The following THOC2 variants were observed in gnomAD, a reference collection of about 807,000 sequenced individuals.
THOC2 encodes the protein THO complex subunit 2.
THOC2 carries 10 observed loss-of-function variants against 128.4 expected under a neutral mutation model. The observed-to-expected ratio is 0.08, with a 90% confidence interval of 0.05 to 0.13. The LOEUF (loss-of-function observed/expected upper bound fraction) is 0.13, where lower values mean the gene tolerates loss of function less well. Among genes scored for constraint, THOC2 ranks in the 10% least tolerant of loss-of-function variants. The pLI is 1.00. For synonymous variants in THOC2, 393 were observed against 396.9 expected (o/e 0.99, Z 0.12); for missense variants, 535 against 1,155.7 (o/e 0.46, Z 7.79).
At chrX:123,643,180 C>A in intron 15 of THOC2, among the ~76,000 whole-genome samples, 1 of 111,033 alleles carries the variant, frequency 9.0e-6, no homozygotes, top group South Asian at 3.8e-4. Context: ...GGAAGAGAAG[C>A]TAAGGAGAGA....
At chrX:123,705,214 T>C (rs1255157499) in intron 3 of THOC2, among the ~76,000 whole-genome samples, 1 of 112,003 alleles carries the variant, frequency 8.9e-6, no homozygotes, top group East Asian at 2.8e-4. Flanking sequence ...CATCATTAAG[T>C]ATTCAAAAGA....
At chrX:123,617,556 A>G (rs1285754884) in intron 33 of THOC2, among the ~76,000 whole-genome samples, 2 of 111,434 alleles carry the variant, frequency 1.8e-5, no homozygotes, top group South Asian at 3.7e-4. Context: ...TGATACTAAC[A>G]AATTCTATGT....
intron 38 of THOC2, chrX:123,610,131 A>G (rs2046646786): frequency 9.0e-6 from 1 of 111,334 alleles, no homozygotes; most frequent in Admixed American, 9.5e-5. Flanking sequence ...ACGTACTTCA[A>G]TAATACTAAG....
chrX:123,602,899 C>G (rs2046333527), intron 38 of THOC2: 1 of 108,927 alleles, frequency 9.2e-6, no homozygotes, highest in Non-Finnish European at 1.9e-5. Flanking sequence ...CCCAGCTACT[C>G]AGGAGGCTGA....
In THOC2 at chrX:123,614,173, G is replaced by A; in HGVS notation, c.4328C>T (p.Thr1443Ile). Residue 1443 changes from threonine (T) to isoleucine (I), a missense_variant, in exon 34 of 39, where the codon ACT becomes ATT. Transcript: ENST00000245838. ...ESSAKLYINH[T>I]PPPLSKSKER... Reference sequence around the variant, plus strand: ...CTTACTCTTGGACAGTGGTGGAGGAGTATGATTAATGTAGAGCTGTTAAAT... The same window carrying A: ...CTTACTCTTGGACAGTGGTGGAGGAATATGATTAATGTAGAGCTGTTAAAT... 2.5e-6 allele frequency: 3 copies of A among 1,191,687 alleles called. No individual in the cohort carries two copies. The highest frequency in any genetic ancestry group is 3.4e-6 in the Non-Finnish European group (3 of 885,062).
intron 38 of THOC2, among the ~76,000 whole-genome samples, chrX:123,607,918 A>G (rs1288909673): frequency 9.1e-6 from 1 of 109,649 alleles, no homozygotes; most frequent in Admixed American, 9.8e-5. Flanking sequence ...CAACCCTGGA[A>G]TGTATCCAAA....
At chrX:123,667,400 T>C in intron 10 of THOC2, 122 bp from the exon 11 acceptor site, 1 of 490,350 alleles carries the variant, frequency 2.0e-6, no homozygotes, top group Non-Finnish European at 3.3e-6. Flanking sequence ...CATGGGAAAT[T>C]AAACAATATA....
intron 2 of THOC2, among the ~76,000 whole-genome samples, chrX:123,707,320 T>C (rs777632046): frequency 2.1e-4 from 24 of 111,656 alleles, no homozygotes; most frequent in Non-Finnish European, 3.6e-4. Flanking sequence ...CAATGAACTC[T>C]AGCAAGTGGA....
At chrX:123,678,702 T>C (rs773127521) in intron 8 of THOC2, among the ~76,000 whole-genome samples, 2 of 110,744 alleles carry the variant, frequency 1.8e-5, no homozygotes, top group Admixed American at 9.7e-5. Flanking sequence ...TGTTTCATTA[T>C]AATCTTATGC....
At chrX:123,692,266 C>T (rs1296016919) in intron 7 of THOC2, among the ~76,000 whole-genome samples, 3 of 111,408 alleles carry the variant, frequency 2.7e-5, no homozygotes, top group African/African-American at 9.8e-5. Flanking sequence ...TTGCCATCTT[C>T]AAGCTATGGC....
intron 1 of THOC2, among the ~76,000 whole-genome samples, chrX:123,716,954 C>CA (rs745455795): frequency 9.1e-6 from 1 of 109,976 alleles, no homozygotes; most frequent in Admixed American, 9.8e-5. Context: ...TCAACACACA[C>CA]AAAAAAAGGC....
At chrX:123,720,224 T>C (rs1457207572) in intron 1 of THOC2, among the ~76,000 whole-genome samples, 1 of 110,063 alleles carries the variant, frequency 9.1e-6, no homozygotes, top group African/African-American at 3.3e-5. Context: ...GGCATGAGAA[T>C]TGCTTGAGGC....
chrX:123,639,579 T>C (rs2047825214), intron 16 of THOC2, among the ~76,000 whole-genome samples: 1 of 111,605 alleles, frequency 9.0e-6, no homozygotes, highest in African/African-American at 3.3e-5. Flanking sequence ...TACTGATTTT[T>C]GTATGTTGAT....
chrX:123,700,275 CG>C (rs964837256), intron 4 of THOC2, among the ~76,000 whole-genome samples: 11 of 108,697 alleles, frequency 1.0e-4, no homozygotes, highest in African/African-American at 3.7e-4. Context: ...CCAAGGCAGG[CG>C]GATCACCTGA....
Position 123,665,696 on chromosome X carries a change from G to A in THOC2, c.1332C>T (p.His444=), listed in dbSNP as rs1034199767. The A allele has an allele frequency of 8.3e-6, 10 of 1,197,835 alleles. No individual in the cohort carries two copies. Among genetic ancestry groups the A allele is most frequent in the South Asian group, 1.9e-5 (1 of 53,654 alleles). The part of the protein sequence containing the change: ...MFCYLGPHLS[H]DPILFAKVVR... Reference sequence around the variant, plus strand: ...CCACTTTTGCAAATAAAATGGGATCGTGAGAAAGGTGAGGACCAAGGTAAC... The same window carrying A: ...CCACTTTTGCAAATAAAATGGGATCATGAGAAAGGTGAGGACCAAGGTAAC... Residue 444 remains histidine (H), a synonymous_variant, in exon 12 of 39, where the codon CAC becomes CAT. Transcript: ENST00000245838.
chrX:123,613,694 G>A lies in THOC2; in HGVS notation c.4464C>T (p.Asn1488=), dbSNP rs1353070161. The A allele has an allele frequency of 1.7e-5, 21 of 1,207,944 alleles. No homozygotes were observed. Among genetic ancestry groups the A allele is most frequent in the Admixed American group, 2.2e-5 (1 of 45,621 alleles). ...TTAAGTCCGGTGGCACTTCACGGTC[G>A]TTGTTTGAGTGATCCTAGAACCAAG... ...RKERKRDHSN[N]DREVPPDLTK... Residue 1488 remains asparagine, a synonymous_variant, in exon 35 of 39, where the codon AAC becomes AAT. Coordinates refer to ENST00000245838, the MANE Select transcript of THOC2 (RefSeq NM_001081550.2).
chrX:123,662,931 C>T (rs2048898824), intron 12 of THOC2, among the ~76,000 whole-genome samples: 1 of 111,990 alleles, frequency 8.9e-6, no homozygotes, highest in Admixed American at 9.5e-5. Context: ...ACTAGAATGA[C>T]TAAAACTTAA....
At chrX:123,661,944 G>A (rs1029357581) in intron 12 of THOC2, among the ~76,000 whole-genome samples, 1 of 111,402 alleles carries the variant, frequency 9.0e-6, no homozygotes, top group African/African-American at 3.3e-5. Context: ...GTGAGCCATG[G>A]TGGTGCCACT....
intron 7 of THOC2, among the ~76,000 whole-genome samples, chrX:123,694,606 TA>T (rs140914528): frequency 1.0e-3 from 69 of 68,783 alleles, no homozygotes; most frequent in Non-Finnish European, 1.0e-3. Flanking sequence ...AGACTCCATC[TA>T]AAAAAAAAAA....
Sources: gnomAD v4.1 joint callset for allele counts (sites outside exome capture counted in the v4.1 genomes callset) on GRCh38, gnomAD v4.1.1 for gene constraint, MANE v1.5 for transcripts, NCBI Gene and HGNC (gene_info 2026-07-23, HGNC 2026-07-21) for gene names.